The following UGT2A2 variants were observed in gnomAD, a reference collection of about 807,000 sequenced individuals.
UGT2A2 encodes the protein UDP-glucuronosyltransferase 2A2.
UGT2A2 carries 60 observed loss-of-function variants against 50.7 expected under a neutral mutation model. The ratio of observed to expected loss-of-function variants is 1.18; its 90% confidence interval spans 0.96 to 1.47. The LOEUF is 1.47. UGT2A2 is among the 40% of genes most tolerant of loss of function. UGT2A2 has a pLI of 0.00. For missense variants in UGT2A2, 762 were observed against 634.0 expected, an observed-to-expected ratio of 1.20 and a Z score of -2.17; for synonymous variants, 242 against 214.6, an observed-to-expected ratio of 1.13 and a Z score of -1.11.
At chr4:69,636,011 A>T (rs1288667577) in intron 1 of UGT2A2, among the ~76,000 whole-genome samples, 1 of 152,066 alleles carries the variant, frequency 6.6e-6, no homozygotes, top group Non-Finnish European at 1.5e-5. Flanking sequence ...AGGTATTTTT[A>T]AAATGTTAAT....
intron 1 of UGT2A2, among the ~76,000 whole-genome samples, chr4:69,614,609 T>C (rs10011912): frequency 0.79 from 118,885 of 151,436 alleles, 46,789 homozygotes; most frequent in South Asian, 0.85. Context: ...ATGGCACTAT[T>C]ATAAAAAAAG....
chr4:69,599,587 G>A, intron 1 of UGT2A2, 193 bp from the exon 2 acceptor site: 4 of 767,478 alleles, frequency 5.2e-6, no homozygotes, highest in South Asian at 8.2e-5. Flanking sequence ...GAGGAAGGAA[G>A]AAAAGAAGGA....
intron 1 of UGT2A2, among the ~76,000 whole-genome samples, chr4:69,626,352 CA>C (rs985337760): frequency 1.3e-4 from 19 of 143,808 alleles, no homozygotes; most frequent in African/African-American, 3.0e-4. Context: ...TTAACCATGG[CA>C]AAAAAAAAAC....
At position 69,639,105 on chromosome 4, in the gene UGT2A2, G is replaced by C. The variant is rs149059274; in HGVS notation, c.536C>G (p.Thr179Arg). 6.7e-4 allele frequency: 1,082 copies of C among 1,613,552 alleles called. 4 individuals are homozygous for C. In the Middle Eastern group the frequency reaches 8.4e-3, roughly 13 times the overall value. The change falls in exon 1 of 6, where the codon ACA becomes AGA. Residue 179 changes from threonine to arginine, a missense_variant. Coordinates refer to ENST00000604629, the MANE Select transcript of UGT2A2 (RefSeq NM_001105677.2). The stretch of plus-strand genomic sequence containing the variant: ...TGTTGATGCTGGAGAGAACCTCAAT[G>C]TGTACATAAATGGAATTCCTAATTT... ...ALKLGIPFMY[T>R]LRFSPASTVE...
intron 1 of UGT2A2, among the ~76,000 whole-genome samples, chr4:69,629,560 G>A (rs969525774): frequency 2.6e-5 from 4 of 152,044 alleles, no homozygotes; most frequent in African/African-American, 9.7e-5. Context: ...AGTCAAACAG[G>A]CTCTAGACAT....
intron 1 of UGT2A2, among the ~76,000 whole-genome samples, chr4:69,610,100 A>G (rs1361611926): frequency 6.6e-6 from 1 of 152,160 alleles, no homozygotes; most frequent in Non-Finnish European, 1.5e-5. Flanking sequence ...CTGGCAGCAA[A>G]ACTTTACACT....
rs1720487145 is a variant in UGT2A2, at chr4:69,617,710, T to A, written c.743-18316A>T. Among the ~76,000 whole-genome samples the A allele has an allele frequency of 2.6e-5, 4 of 151,760 alleles. No individual in the cohort carries two copies. The Admixed American group carries it at 2.6e-4, about 10-fold the overall frequency. On this transcript the variant is annotated intron_variant, in intron 1 of 5. Coordinates refer to ENST00000604629, the MANE Select transcript of UGT2A2 (RefSeq NM_001105677.2). The stretch of plus-strand genomic sequence containing the variant: ...TTTAAAATACTAAAATAATATAAAT[T>A]ATTATTCATTATTGGGAGTTAACAT...
At chr4:69,610,590 C>T (rs570086912) in intron 1 of UGT2A2, among the ~76,000 whole-genome samples, 2 of 152,034 alleles carry the variant, frequency 1.3e-5, no homozygotes, top group Admixed American at 6.6e-5. Context: ...GTATATGAAG[C>T]CTGACTGTAT....
In UGT2A2 at chr4:69,589,668, T is replaced by C. The variant is rs1401921426; in HGVS notation, c.1332-17A>G. 6.3e-6 allele frequency: 10 copies of C among 1,576,818 alleles called. No individual in the cohort carries two copies. Among genetic ancestry groups the C allele is most frequent in the Non-Finnish European group, 8.6e-6 (10 of 1,160,090 alleles). On this transcript the variant is annotated splice_polypyrimidine_tract_variant and intron_variant, in intron 5 of 5. Transcript: ENST00000604629. ...TCTTTATAACTAGAAGACAAATAAA[T>C]AGGCAGAAATTAGACAATTTTTGTT...
chr4:69,632,050 T>G (rs965980005), intron 1 of UGT2A2, among the ~76,000 whole-genome samples: 1 of 152,188 alleles, frequency 6.6e-6, no homozygotes, highest in African/African-American at 2.4e-5. Flanking sequence ...ATTGTTCACT[T>G]ATGTGATGTA....
intron 1 of UGT2A2, among the ~76,000 whole-genome samples, chr4:69,599,937 G>A (rs534807348): frequency 8.5e-5 from 13 of 152,244 alleles, no homozygotes; most frequent in Admixed American, 2.6e-4. Context: ...TCTTCCCCAG[G>A]ACAGCAAATC....
chr4:69,612,022 G>A (rs1369239315), intron 1 of UGT2A2, among the ~76,000 whole-genome samples: 2 of 151,872 alleles, frequency 1.3e-5, no homozygotes, highest in Non-Finnish European at 2.9e-5. Context: ...AATTAACATA[G>A]TCAGCACTCA....
chr4:69,626,714 A>C (rs184958837), intron 1 of UGT2A2, among the ~76,000 whole-genome samples: 120 of 151,980 alleles, frequency 7.9e-4, no homozygotes, highest in African/African-American at 2.7e-3. Flanking sequence ...TATTCATTTT[A>C]TATTCATTAA....
intron 1 of UGT2A2, among the ~76,000 whole-genome samples, chr4:69,612,511 C>T (rs557640126): frequency 1.3e-5 from 2 of 150,536 alleles, no homozygotes; most frequent in East Asian, 2.0e-4. Context: ...ATTTAAAAAG[C>T]ATGGTACCAG....
At position 69,589,625 on chromosome 4, in the gene UGT2A2, G is replaced by C. The variant is rs1351115968; in HGVS notation, c.1358C>G (p.Ser453Ter). The C allele has an allele frequency of 1.9e-6, 3 of 1,613,816 alleles. No individual in the cohort carries two copies. In the East Asian group the frequency reaches 6.7e-5, roughly 36 times the overall value. Residue 453 changes from serine (S) to a stop codon, truncating the protein, a stop_gained, in exon 6 of 6, where the codon TCA (serine) becomes TGA (stop). Coordinates refer to ENST00000604629, the MANE Select transcript of UGT2A2 (RefSeq NM_001105677.2). LOFTEE classifies it high-confidence loss of function. ...PSYKENAMRL[S>*]RIHHDQPVKP... Reference sequence around the variant, plus strand: ...TACAGGTTGATCATGGTGAATTCTTGATAACCTCATAGCATTCTCTTTATA... The same window carrying C: ...TACAGGTTGATCATGGTGAATTCTTCATAACCTCATAGCATTCTCTTTATA...
intron 5 of UGT2A2, among the ~76,000 whole-genome samples, chr4:69,593,568 A>G (rs1336414143): frequency 2.6e-5 from 4 of 151,498 alleles, no homozygotes; most frequent in Non-Finnish European, 5.9e-5. Context: ...ACTTATATAT[A>G]TAATATACTA....
chr4:69,611,356 G>A lies in UGT2A2; in HGVS notation c.743-11962C>T, dbSNP rs1232518881. Among the ~76,000 whole-genome samples the A allele has an allele frequency of 4.6e-5, 7 of 151,266 alleles. No individual in the cohort carries two copies. In the South Asian group the frequency reaches 8.4e-4, roughly 18 times the overall value. ...AAGTCAGAAACAACAAAATACAGCA[G>A]GGTCATAAAAGTACTCTAAGAAAAT... is the stretch of plus-strand genomic sequence containing the variant. On this transcript the variant is annotated intron_variant, in intron 1 of 5. Transcript: ENST00000604629.
chr4:69,606,587 A>G (rs1440414859), intron 1 of UGT2A2, among the ~76,000 whole-genome samples: 1 of 136,370 alleles, frequency 7.3e-6, no homozygotes, highest in Non-Finnish European at 1.6e-5. Context: ...ATCAGGCAGG[A>G]GAAGGAAATA....
In UGT2A2 at chr4:69,605,765, C is replaced by A. The variant is rs934494750; in HGVS notation, c.743-6371G>T. On this transcript the variant is annotated intron_variant, in intron 1 of 5. Transcript: ENST00000604629. ...TATCACCACCGATCCCACAGAAATA[C>A]AAAGTACCATCAGAGAATACTATAA... Among the ~76,000 whole-genome samples, 3 of 136,838 alleles carry A rather than the reference C, an allele frequency of 2.2e-5. 1 individual carries two copies. Among genetic ancestry groups the A allele is most frequent in the Admixed American group, 1.4e-4 (2 of 13,930 alleles). The allele number at this position is 136,838 out of a possible 152,430, so 89.8% of individuals were successfully genotyped here.
Sources: allele counts gnomAD v4.1 joint callset (sites outside exome capture counted in the v4.1 genomes callset), GRCh38; gene constraint gnomAD v4.1.1; transcripts MANE v1.5; gene names NCBI Gene and HGNC (gene_info 2026-07-23, HGNC 2026-07-21).